Variants in PARD3B observed in about 807,000 individuals in gnomAD.
PARD3B encodes partitioning defective 3 homolog B.
In PARD3B, 103 loss-of-function variants were observed where a neutral mutation model predicts 130.2. The observed-to-expected ratio is 0.79, with a 90% CI of 0.67 to 0.93. PARD3B has a LOEUF of 0.93. PARD3B is among the 40% of genes least tolerant of loss of function. The pLI is 0.00. For synonymous variants in PARD3B, 583 were observed against 553.2 expected (o/e 1.05, Z -0.76); for missense variants, 1,609 against 1,499.2 (o/e 1.07, Z -1.21).
chr2:205,546,787 A>G (rs1575321664), intron 21 of PARD3B, among the ~76,000 whole-genome samples: 2 of 152,312 alleles, frequency 1.3e-5, no homozygotes, highest in African/African-American at 4.8e-5. Context: ...CCGAGTATTA[A>G]AAATTGATCA....
At position 205,473,652 on chromosome 2, in the gene PARD3B, A is replaced by ATG. The variant is rs1258427336; in HGVS notation, c.3045-26243_3045-26242insGT. On this transcript the variant is annotated intron_variant, in intron 20 of 22. Transcript: ENST00000406610. The surrounding 1 kb of genome is among the most constrained non-coding windows in gnomAD (Gnocchi z 4.9). ...TATGTTTCCCAATATAAGGTTATAT[A>ATG]TATGTGTGTGTGTGTGTGTGTGTGT... Among the ~76,000 whole-genome samples, 5 of 122,688 alleles carry ATG rather than the reference A, an allele frequency of 4.1e-5. No homozygotes were observed. The highest frequency in any genetic ancestry group is 8.0e-5 in the Non-Finnish European group (5 of 62,208). The allele number at this position is 122,688 out of a possible 152,430, so 80.5% of individuals were successfully genotyped here.
At chr2:205,022,367 G>T (rs559301923) in intron 3 of PARD3B, among the ~76,000 whole-genome samples, 1 of 152,150 alleles carries the variant, frequency 6.6e-6, no homozygotes, top group South Asian at 2.1e-4. Flanking sequence ...ATGATCTTTA[G>T]AAATGTATTT....
intron 6 of PARD3B, among the ~76,000 whole-genome samples, chr2:205,114,056 T>C (rs1363721410): frequency 6.6e-6 from 1 of 152,146 alleles, no homozygotes; most frequent in African/African-American, 2.4e-5. Flanking sequence ...ATGATGGCTT[T>C]ATAAAAGCAA....
At chr2:204,829,641 G>T (rs939806367) in intron 2 of PARD3B, among the ~76,000 whole-genome samples, 4 of 152,170 alleles carry the variant, frequency 2.6e-5, no homozygotes, top group Non-Finnish European at 4.4e-5. Flanking sequence ...GATCAGAGGG[G>T]TGGATTTCTC....
At chr2:205,459,697 T>G (rs973364004) in intron 20 of PARD3B, among the ~76,000 whole-genome samples, 1 of 152,182 alleles carries the variant, frequency 6.6e-6, no homozygotes, top group Non-Finnish European at 1.5e-5. Context: ...GAAGGCTGCC[T>G]CTTCCCATCA....
chr2:204,964,300 C>A (rs926929424), intron 2 of PARD3B, among the ~76,000 whole-genome samples: 4 of 152,146 alleles, frequency 2.6e-5, no homozygotes, highest in African/African-American at 9.7e-5. Flanking sequence ...GCCAAAAGTG[C>A]AGTTTCAGCA....
intron 1 of PARD3B, among the ~76,000 whole-genome samples, chr2:204,615,793 A>AT (rs752018140): frequency 1.1e-4 from 17 of 151,982 alleles, no homozygotes; most frequent in Admixed American, 9.8e-4. Flanking sequence ...TAGTGCATGC[A>AT]TTTTTTTTCC....
intron 1 of PARD3B, among the ~76,000 whole-genome samples, chr2:204,585,176 C>G (rs2125086701): frequency 6.6e-6 from 1 of 152,320 alleles, no homozygotes; most frequent in African/African-American, 2.4e-5. Context: ...CCAATGCTTC[C>G]TATTGGCCCA....
At chr2:204,873,403 G>C (rs912901415) in intron 2 of PARD3B, among the ~76,000 whole-genome samples, 1 of 152,144 alleles carries the variant, frequency 6.6e-6, no homozygotes, top group East Asian at 1.9e-4. Context: ...ATTTAGACTC[G>C]GTTGTCTGAT....
chr2:205,188,527 G>A (rs1435151688), intron 14 of PARD3B, among the ~76,000 whole-genome samples: 1 of 152,218 alleles, frequency 6.6e-6, no homozygotes, highest in African/African-American at 2.4e-5. Context: ...CAAGAGAAGA[G>A]CAGGGCCTGG....
At position 205,309,213 on chromosome 2, in the gene PARD3B, G is replaced by A. The variant is rs1367541319; in HGVS notation, c.2630+7512G>A. 1.3e-5 allele frequency among the ~76,000 whole-genome samples: 2 copies of A among 152,150 alleles called. No homozygotes were observed. Among genetic ancestry groups the A allele is most frequent in the Non-Finnish European group, 2.9e-5 (2 of 68,036 alleles). The stretch of plus-strand genomic sequence containing the variant: ...TGCAGTACACATTCTAAGACAGGTG[G>A]GCATTAATGTAAATGGTGAACTTGG... On this transcript the variant is annotated intron_variant, in intron 18 of 22. Coordinates refer to ENST00000406610, the MANE Select transcript of PARD3B (RefSeq NM_001302769.2). This position sits in a 1 kb window ranked among gnomAD's most constrained non-coding sequence, Gnocchi z 4.7.
chr2:204,764,739 T>TGTGTGTGTGTGG (rs1296948719), intron 2 of PARD3B, among the ~76,000 whole-genome samples: 2 of 151,826 alleles, frequency 1.3e-5, no homozygotes, highest in Non-Finnish European at 2.9e-5. Flanking sequence ...TGTGTGTGTG[T>TGTGTGTGTGTGG]GTGTAGTTAA....
chr2:204,566,429 G>C (rs2031674076), intron 1 of PARD3B, among the ~76,000 whole-genome samples: 1 of 152,104 alleles, frequency 6.6e-6, no homozygotes, highest in African/African-American at 2.4e-5. Context: ...TTTTCTTAGT[G>C]TCTCAGTTAC....
At chr2:205,035,457 A>G (rs1402162573) in intron 3 of PARD3B, among the ~76,000 whole-genome samples, 2 of 152,054 alleles carry the variant, frequency 1.3e-5, no homozygotes, top group African/African-American at 4.8e-5. Context: ...ATTTGCTTAT[A>G]ATTGTATAGA....
intron 21 of PARD3B, among the ~76,000 whole-genome samples, chr2:205,522,388 TTTA>T (rs1217028807): frequency 6.6e-6 from 1 of 152,086 alleles, no homozygotes; most frequent in African/African-American, 2.4e-5. Flanking sequence ...TATTTAAGTT[TTTA>T]TTATTAATGT....
At chr2:205,499,759 CCATTTTCCTGG>C (rs1176687027) in intron 20 of PARD3B, 126 bp from the exon 21 acceptor site, 1 of 1,029,482 alleles carries the variant, frequency 9.7e-7, no homozygotes, top group African/African-American at 1.6e-5. Flanking sequence ...ACTGATTTCA[CCATTTTCCTGG>C]CATATTTGAA....
At chr2:205,188,994 T>C (rs2036250080) in intron 14 of PARD3B, among the ~76,000 whole-genome samples, 1 of 152,308 alleles carries the variant, frequency 6.6e-6, no homozygotes, top group East Asian at 1.9e-4. Context: ...GTTTATAATA[T>C]GTGGGTCTAA....
At chr2:204,888,480 C>G (rs1450250144) in intron 2 of PARD3B, among the ~76,000 whole-genome samples, 1 of 152,074 alleles carries the variant, frequency 6.6e-6, no homozygotes, top group Non-Finnish European at 1.5e-5. Context: ...CCCTATAATC[C>G]TGGTACTTTG....
chr2:205,061,683 A>C (rs910595837), intron 4 of PARD3B, among the ~76,000 whole-genome samples: 1 of 152,046 alleles, frequency 6.6e-6, no homozygotes, highest in East Asian at 1.9e-4. Context: ...GCTTTAATTT[A>C]CAGAAGGCAC....
Sources: gnomAD v4.1 joint callset for allele counts (sites outside exome capture counted in the v4.1 genomes callset) on GRCh38, gnomAD v4.1.1 for gene constraint, Gnocchi (gnomAD v3.1) non-coding constraint, MANE v1.5 for transcripts, NCBI Gene and HGNC (gene_info 2026-07-23, HGNC 2026-07-21) for gene names.